FAM221A: variants seen among roughly 807,000 people sequenced by gnomAD.
The protein encoded by FAM221A is family with sequence similarity 221 member A.
FAM221A carries 43 observed loss-of-function variants against 37.6 expected under a neutral mutation model. That is an observed-to-expected ratio of 1.15 (90% confidence interval 0.90 to 1.48). The LOEUF is 1.48. FAM221A is among the 40% of genes most tolerant of loss of function. The pLI, the probability that FAM221A is intolerant of heterozygous loss-of-function variation, is 0.00. For missense variants in FAM221A, 361 were observed against 361.5 expected, an observed-to-expected ratio of 1.00 and a Z score of 0.01; for synonymous variants, 135 against 132.9, an observed-to-expected ratio of 1.02 and a Z score of -0.11.
Position 23,699,290 on chromosome 7 carries a change from A to C in FAM221A, c.745+991A>C, listed in dbSNP as rs574347180. ...GCCCCCACACCTGGGTAATTAAAAA[A>C]ACTTTTTTTTTGCAGCAGCAGGGTC... is the stretch of plus-strand genomic sequence containing the variant. On this transcript the variant is annotated intron_variant, in intron 5 of 6. Coordinates refer to ENST00000344962, the MANE Select transcript of FAM221A (RefSeq NM_199136.5). Among the ~76,000 whole-genome samples the C allele has an allele frequency of 2.7e-5, 3 of 112,320 alleles. No individual in the cohort carries two copies. The Admixed American group carries it at 2.8e-4, about 11-fold the overall frequency. 73.7% of individuals were successfully genotyped at this position (112,320 alleles called of 152,430 possible). A position where few individuals can be genotyped will look rare whatever the true frequency, so the allele number is the denominator to read the frequency against.
chr7:23,692,214 C>G, intron 4 of FAM221A: 1 of 970,150 alleles, frequency 1.0e-6, no homozygotes, highest in Non-Finnish European at 1.2e-6. Flanking sequence ...CTGAGCGGGA[C>G]TGGGGAGCAG....
intron 1 of FAM221A, 23 bp downstream of exon 1, chr7:23,680,306 G>GC (rs768133642): frequency 5.7e-5 from 86 of 1,499,096 alleles, no homozygotes; most frequent in South Asian, 4.0e-4. Flanking sequence ...CTCCGGGCCT[G>GC]CCCCCCCGCC....
rs965013178 is a variant in FAM221A, at chr7:23,691,298, C to A, written c.431-92C>A. The A allele has an allele frequency of 7.6e-6, 9 of 1,184,248 alleles. No individual in the cohort carries two copies. The Admixed American group carries it at 1.6e-4, about 21-fold the overall frequency. 73.4% of individuals were successfully genotyped at this position (1,184,248 alleles called of 1,614,324 possible). Reference sequence around the variant, plus strand: ...GTAAGAGTTACAGGGGCCAGAGGATCTAGGTTCAGCTGGCTTTTGCCAGGC... The same window carrying A: ...GTAAGAGTTACAGGGGCCAGAGGATATAGGTTCAGCTGGCTTTTGCCAGGC... On this transcript the variant is annotated intron_variant, in intron 3 of 6. Transcript: ENST00000344962.
At chr7:23,695,716 A>G (rs558999087) in intron 4 of FAM221A, among the ~76,000 whole-genome samples, 1 of 151,996 alleles carries the variant, frequency 6.6e-6, no homozygotes, top group South Asian at 2.1e-4. Flanking sequence ...TTTTTCTTCT[A>G]TTATATCTTC....
chr7:23,689,224 A>G, intron 2 of FAM221A, 45 bp from the exon 3 acceptor site: 1 of 1,240,814 alleles, frequency 8.1e-7, no homozygotes, highest in East Asian at 2.4e-5. Flanking sequence ...ATTTTTGATA[A>G]TACCTGTATT....
intron 1 of FAM221A, among the ~76,000 whole-genome samples, chr7:23,682,275 A>C (rs955991901): frequency 1.3e-5 from 2 of 151,758 alleles, no homozygotes; most frequent in Admixed American, 1.3e-4. Flanking sequence ...TAGGATGCCC[A>C]GGCTCATCTT....
At chr7:23,695,211 A>G (rs867040235) in intron 4 of FAM221A, among the ~76,000 whole-genome samples, 1 of 152,052 alleles carries the variant, frequency 6.6e-6, no homozygotes, top group South Asian at 2.1e-4. Flanking sequence ...TCCGAAGGTC[A>G]AGTAATCCTC....
In FAM221A at chr7:23,682,463, G is replaced by T. The variant is rs1336872103; in HGVS notation, c.66-2036G>T. Among the ~76,000 whole-genome samples, 7 of 142,026 alleles carry T rather than the reference G, an allele frequency of 4.9e-5. No individual in the cohort carries two copies. The East Asian group carries it at 6.1e-4, about 12-fold the overall frequency. 93.2% of individuals were successfully genotyped at this position (142,026 alleles called of 152,430 possible). ...TATTTTTTTTTTTAGATAGAGTCTT[G>T]CTCTGCTGCCCAGGCTGGAGTGCAG... On this transcript the variant is annotated intron_variant, in intron 1 of 6. Coordinates refer to ENST00000344962, the MANE Select transcript of FAM221A (RefSeq NM_199136.5).
chr7:23,687,061 A>C (rs1295034790), intron 2 of FAM221A: 1 of 152,264 alleles, frequency 6.6e-6, no homozygotes, highest in Admixed American at 6.5e-5. Context: ...CTGGGATTAC[A>C]GGCATGAGCC....
chr7:23,686,707 T>C (rs1784394640), intron 2 of FAM221A: 1 of 153,030 alleles, frequency 6.5e-6, no homozygotes, highest in African/African-American at 2.4e-5. Flanking sequence ...ACATAGAATA[T>C]ATTCTATATA....
At chr7:23,694,713 G>A (rs1162820238) in intron 4 of FAM221A, 2 of 152,298 alleles carry the variant, frequency 1.3e-5, no homozygotes, top group Admixed American at 1.3e-4. Flanking sequence ...GCAGGGTTGG[G>A]TTCAACCTGA....
intron 4 of FAM221A, chr7:23,694,550 A>T (rs1427712465): frequency 6.6e-6 from 1 of 152,220 alleles, no homozygotes; most frequent in Non-Finnish European, 1.5e-5. Flanking sequence ...ATGTTTGATG[A>T]CGGCAGCTTT....
chr7:23,689,515 A>G (rs573664797), intron 3 of FAM221A, 56 bp downstream of exon 3: 26 of 1,305,834 alleles, frequency 2.0e-5, no homozygotes, highest in Admixed American at 2.0e-5. Flanking sequence ...TCTTCCTTGA[A>G]TATTTAACGT....
chr7:23,683,502 G>A (rs868413228), intron 1 of FAM221A, among the ~76,000 whole-genome samples: 4 of 152,324 alleles, frequency 2.6e-5, no homozygotes, highest in South Asian at 2.1e-4. Context: ...ATTTTCAAAG[G>A]AGGTAAATGT....
chr7:23,700,208 T>G (rs1229645136), intron 5 of FAM221A, among the ~76,000 whole-genome samples: 1 of 152,208 alleles, frequency 6.6e-6, no homozygotes, highest in African/African-American at 2.4e-5. Context: ...AGTGAAGACC[T>G]TCACTCGCAA....
intron 4 of FAM221A, among the ~76,000 whole-genome samples, chr7:23,696,427 G>C (rs1032468957): frequency 1.3e-5 from 2 of 152,116 alleles, no homozygotes; most frequent in East Asian, 3.9e-4. Flanking sequence ...GCCTGGTATT[G>C]TGTGTGTGCC....
intron 3 of FAM221A, among the ~76,000 whole-genome samples, chr7:23,689,688 A>G (rs1179832694): frequency 1.3e-5 from 2 of 152,224 alleles, no homozygotes; most frequent in Non-Finnish European, 2.9e-5. Context: ...CTTGATAATC[A>G]TAAACCCTCA....
intron 4 of FAM221A, chr7:23,694,705 A>G (rs1205283889): frequency 6.6e-6 from 1 of 152,258 alleles, no homozygotes; most frequent in Non-Finnish European, 1.5e-5. Context: ...AGGAAGTAGC[A>G]GGGTTGGGTT....
chr7:23,690,503 C>G (rs1784680984), intron 3 of FAM221A, among the ~76,000 whole-genome samples: 1 of 152,070 alleles, frequency 6.6e-6, no homozygotes, highest in South Asian at 2.1e-4. Context: ...CTGTGCCTAG[C>G]TGTTCCCATA....
Sources: allele counts gnomAD v4.1 joint callset (sites outside exome capture counted in the v4.1 genomes callset), GRCh38; gene constraint gnomAD v4.1.1; transcripts MANE v1.5; gene names NCBI Gene and HGNC (gene_info 2026-07-23, HGNC 2026-07-21).